Variants in FHL2 observed in about 807,000 individuals in gnomAD.
FHL2 encodes the protein four and a half LIM domains 2, also known as four and a half LIM domains protein 2.
FHL2 carries 20 observed loss-of-function variants against 32.7 expected under a neutral mutation model. The ratio of observed to expected loss-of-function variants is 0.61; its 90% CI spans 0.43 to 0.89. FHL2 has a LOEUF of 0.89. FHL2 is among the 40% of genes least tolerant of loss of function. FHL2 has a pLI of 0.00. For synonymous variants in FHL2, 123 were observed against 128.1 expected, an observed-to-expected ratio of 0.96 and a Z score of 0.27; for missense variants, 311 against 358.6, an observed-to-expected ratio of 0.87 and a Z score of 1.07.
At chr2:105,392,893 C>A (rs1682831061) in intron 2 of FHL2, among the ~76,000 whole-genome samples, 1 of 143,566 alleles carries the variant, frequency 7.0e-6, no homozygotes, top group South Asian at 2.4e-4. Context: ...TATCTTGGCT[C>A]ACTTCAGCCT....
intron 1 of FHL2, among the ~76,000 whole-genome samples, chr2:105,405,284 G>C (rs1682476355): frequency 1.3e-5 from 2 of 152,144 alleles, no homozygotes; most frequent in Non-Finnish European, 1.5e-5. Flanking sequence ...AATGTCTAAA[G>C]TCTGTGCAAA....
At chr2:105,404,067 T>G (rs1476413341), upstream of FHL2, among the ~76,000 whole-genome samples, 1 of 152,144 alleles carries the variant, frequency 6.6e-6, no homozygotes, top group Non-Finnish European at 1.5e-5. Flanking sequence ...CCTACCCGGA[T>G]GGGGGCTACC....
intron 1 of FHL2, among the ~76,000 whole-genome samples, chr2:105,426,676 G>A (rs959901264): frequency 2.0e-5 from 3 of 152,324 alleles, no homozygotes; most frequent in East Asian, 3.9e-4. Context: ...CAGAAGGGGG[G>A]CCAGGCACTC....
At chr2:105,400,234 T>C (rs1213252478), upstream of FHL2, among the ~76,000 whole-genome samples, 1 of 151,926 alleles carries the variant, frequency 6.6e-6, no homozygotes, top group Non-Finnish European at 1.5e-5. Context: ...TGAACTGGGA[T>C]GTGGTAGATG....
rs1445296517 is a variant in FHL2 at position 105,398,942 on chromosome 2, C to G, written c.-176G>C. ...GTGGCTAAGCCCCTCGGCCTCCCTC[C>G]GGGGCGCAGGGGGTTGGAGGTACTC... On this transcript the variant is annotated 5_prime_UTR_variant, in exon 1 of 7. Transcript: ENST00000530340. 2 of 1,534,862 alleles carry G rather than the reference C, an allele frequency of 1.3e-6. No individual in the cohort carries two copies. Among genetic ancestry groups the G allele is most frequent in the African/African-American group, 2.9e-5 (2 of 70,028 alleles).
rs575349517 is a variant in FHL2 at position 105,382,554 on chromosome 2, A to G, written c.156+3807T>C. ...TCCTACCTATAGGGTGTTAGGAGAA[A>G]TTTAGATCATGCAGTTTAGGCATTT... is the stretch of plus-strand genomic sequence containing the variant. On this transcript the variant is annotated intron_variant, in intron 3 of 6. Coordinates refer to ENST00000530340, the MANE Select transcript of FHL2 (RefSeq NM_001318895.3). Among the ~76,000 whole-genome samples, 3 of 152,356 alleles carry G rather than the reference A, an allele frequency of 2.0e-5. No homozygotes were observed. In the East Asian group the frequency reaches 5.8e-4, roughly 29 times the overall value.
intron 4 of FHL2, among the ~76,000 whole-genome samples, chr2:105,371,575 T>C (rs1027122536): frequency 3.3e-5 from 5 of 151,544 alleles, no homozygotes; most frequent in Admixed American, 2.0e-4. Context: ...TCTCTCTCTC[T>C]CCTTATGTAT....
upstream of FHL2, among the ~76,000 whole-genome samples, chr2:105,400,152 GATT>G (rs1365870729): frequency 5.3e-5 from 8 of 152,166 alleles, no homozygotes; most frequent in Non-Finnish European, 7.4e-5. Flanking sequence ...ATTTTTACCA[GATT>G]TACGGTGAGG....
At chr2:105,364,769 T>G (rs147250860) in intron 5 of FHL2, among the ~76,000 whole-genome samples, 3 of 152,250 alleles carry the variant, frequency 2.0e-5, no homozygotes, top group Non-Finnish European at 4.4e-5. Context: ...GCTTGTGAAG[T>G]AGGAAAGATA....
intron 1 of FHL2, among the ~76,000 whole-genome samples, chr2:105,414,341 C>A (rs1407843644): frequency 6.6e-6 from 1 of 152,108 alleles, no homozygotes; most frequent in Non-Finnish European, 1.5e-5. Context: ...CCATTGGCCA[C>A]TAGTGATCAA....
intron 1 of FHL2, among the ~76,000 whole-genome samples, chr2:105,421,246 G>A (rs182426863): frequency 6.6e-6 from 1 of 152,238 alleles, no homozygotes; most frequent in African/African-American, 2.4e-5. Flanking sequence ...GTCTGGGACA[G>A]AGTCCACACA....
chr2:105,409,086 G>C (rs577314344), intron 1 of FHL2, among the ~76,000 whole-genome samples: 9 of 152,202 alleles, frequency 5.9e-5, no homozygotes, highest in Non-Finnish European at 1.3e-4. Context: ...AAGCCTTCAT[G>C]CTTTGAGGCT....
At chr2:105,409,635 A>T (rs1202273403) in intron 1 of FHL2, among the ~76,000 whole-genome samples, 1 of 152,160 alleles carries the variant, frequency 6.6e-6, no homozygotes, top group Non-Finnish European at 1.5e-5. Flanking sequence ...CCCATTTCTG[A>T]TGTGTTAGTA....
At chr2:105,396,529 A>C in intron 2 of FHL2, 118 bp downstream of exon 2, 1 of 846,072 alleles carries the variant, frequency 1.2e-6, no homozygotes, top group South Asian at 1.6e-5. Context: ...CCCAGAACAT[A>C]TGACTGAATG....
In FHL2 at chr2:105,361,323, C is replaced by G; in HGVS notation, c.800G>C (p.Arg267Thr). 1 of 1,614,096 alleles carries G rather than the reference C, an allele frequency of 6.2e-7. No individual in the cohort carries two copies. Among genetic ancestry groups the G allele is most frequent in the Non-Finnish European group, 8.5e-7 (1 of 1,179,960 alleles). The change falls in exon 7 of 7, where the codon AGG becomes ACG. Residue 267 changes from arginine to threonine, a missense_variant. Physicochemically the swap from Arg to Thr is moderately conservative, Grantham distance 71. Coordinates refer to ENST00000530340, the MANE Select transcript of FHL2 (RefSeq NM_001318895.3). ...SLVGRGFLTE[R>T]DDILCPDCGK... ...ACAGTCGGGGCACAGGATGTCGTCC[C>G]TCTCTGTGAGGAAGCCACGCCCCAC...
At chr2:105,428,728 C>A (rs1165227991) in intron 1 of FHL2, among the ~76,000 whole-genome samples, 3 of 152,218 alleles carry the variant, frequency 2.0e-5, no homozygotes, top group African/African-American at 7.2e-5. Context: ...TGCCCGGACC[C>A]TGTGTCCCTC....
intron 3 of FHL2, among the ~76,000 whole-genome samples, chr2:105,383,553 C>T (rs113417943): frequency 2.0e-5 from 3 of 152,256 alleles, no homozygotes; most frequent in South Asian, 4.1e-4. Context: ...AGCCTAATTC[C>T]CATAGGCATG....
chr2:105,408,730 C>G (rs981931032), intron 1 of FHL2, among the ~76,000 whole-genome samples: 1 of 152,184 alleles, frequency 6.6e-6, no homozygotes, highest in African/African-American at 2.4e-5. Flanking sequence ...ATCACTACTA[C>G]CACCATGATT....
At chr2:105,412,632 G>A (rs552590693) in intron 1 of FHL2, among the ~76,000 whole-genome samples, 1 of 152,226 alleles carries the variant, frequency 6.6e-6, no homozygotes, top group Non-Finnish European at 1.5e-5. Flanking sequence ...AAGAAAGCAC[G>A]TGGATGGTTA....
Sources: allele counts gnomAD v4.1 joint callset (sites outside exome capture counted in the v4.1 genomes callset), GRCh38; gene constraint gnomAD v4.1.1; transcripts MANE v1.5; gene names NCBI Gene and HGNC (gene_info 2026-07-23, HGNC 2026-07-21).